Variants in TBC1D16 observed in about 807,000 individuals in gnomAD.
The protein encoded by TBC1D16 is TBC1 domain family member 16, also known as CTD-2529O21.1.
A neutral mutation model predicts 74.7 loss-of-function variants in TBC1D16; 58 were observed. The ratio of observed to expected loss-of-function variants is 0.78; its 90% confidence interval spans 0.63 to 0.97. The LOEUF (loss-of-function observed/expected upper bound fraction) is 0.97. TBC1D16 is among the 50% of genes least tolerant of loss of function. The pLI is 0.00. For missense variants in TBC1D16, 1,014 were observed against 1,079.5 expected, an observed-to-expected ratio of 0.94 and a Z score of 0.85; for synonymous variants, 493 against 474.7, an observed-to-expected ratio of 1.04 and a Z score of -0.50.
Position 80,007,129 on chromosome 17 carries a change from G to A in TBC1D16, c.779+3031C>T, listed in dbSNP as rs997196428. ...AAAGCTGCAACTCGCCACGTTCAGC[G>A]AGCCTCCCCTGGACCGGGCTGACAC... On this transcript the variant is annotated intron_variant, in intron 3 of 11. Coordinates refer to ENST00000310924, the MANE Select transcript of TBC1D16 (RefSeq NM_019020.4). This position sits in a 1 kb window ranked among gnomAD's most constrained non-coding sequence, Gnocchi z 4.5. Among the ~76,000 whole-genome samples, 4 of 152,274 alleles carry A rather than the reference G, an allele frequency of 2.6e-5. No homozygotes were observed. The East Asian group carries it at 7.7e-4, about 29-fold the overall frequency.
intron 3 of TBC1D16, among the ~76,000 whole-genome samples, chr17:79,967,452 A>C (rs904208654): frequency 6.6e-6 from 1 of 152,206 alleles, no homozygotes; most frequent in African/African-American, 2.4e-5. Flanking sequence ...ATATAAGATC[A>C]ATGTCTAAAA....
rs868011199 is a variant in TBC1D16 at position 80,007,186 on chromosome 17, G to A, written c.779+2974C>T. Among the ~76,000 whole-genome samples, 23 of 152,280 alleles carry A rather than the reference G, an allele frequency of 1.5e-4. No individual in the cohort carries two copies. The Middle Eastern group carries it at 0.01, about 68-fold the overall frequency. ...GAGGTGCGAGCCACACCGAGCCCGC[G>A]GCCATGTGGCCAAGAGGCATTTTCT... On this transcript the variant is annotated intron_variant, in intron 3 of 11. Transcript: ENST00000310924. The surrounding 1 kb of genome is among the most constrained non-coding windows in gnomAD (Gnocchi z 4.5).
In TBC1D16 at chr17:79,944,530, C is replaced by T. The variant is rs1051831010; in HGVS notation, c.1908+378G>A. 4.6e-5 allele frequency among the ~76,000 whole-genome samples: 7 copies of T among 152,120 alleles called. No individual in the cohort carries two copies. The South Asian group carries it at 8.3e-4, about 18-fold the overall frequency. ...GCAGGGTAACGGGTGAGTCGGCCCT[C>T]GTGGCAGGGCGGTCCCGAGGGGGTG... On this transcript the variant is annotated intron_variant, in intron 10 of 11. Coordinates refer to ENST00000310924, the MANE Select transcript of TBC1D16 (RefSeq NM_019020.4). This position sits in a 1 kb window ranked among gnomAD's most constrained non-coding sequence, Gnocchi z 7.7.
At position 80,035,058 on chromosome 17, in the gene TBC1D16, T is replaced by G. The variant is rs1406284190; in HGVS notation, c.-63+737A>C. ...TGTTATGTCTTTTCTATTCATTTCC[T>G]ATTTCTGAATCAAATCTGAACTACT... On this transcript the variant is annotated intron_variant, in intron 1 of 11. Coordinates refer to ENST00000310924, the MANE Select transcript of TBC1D16 (RefSeq NM_019020.4). This position sits in a 1 kb window ranked among gnomAD's most constrained non-coding sequence, Gnocchi z 5.3. Among the ~76,000 whole-genome samples, 1 of 152,208 alleles carries G rather than the reference T, an allele frequency of 6.6e-6. No homozygotes were observed. Among genetic ancestry groups the G allele is most frequent in the Non-Finnish European group, 1.5e-5 (1 of 68,036 alleles).
At chr17:80,027,441 C>G (rs35357292) in intron 1 of TBC1D16, among the ~76,000 whole-genome samples, 33,191 of 151,900 alleles carry the variant, frequency 0.22, 4,130 homozygotes, top group Middle Eastern at 0.34. Flanking sequence ...TACAAAAAAA[C>G]TTTAAAAATT....
rs1173353711 is a variant in TBC1D16, at chr17:79,980,757, G to A, written c.780-27939C>T. Among the ~76,000 whole-genome samples the A allele has an allele frequency of 3.9e-5, 6 of 152,318 alleles. No individual in the cohort carries two copies. In the South Asian group the frequency reaches 6.2e-4, roughly 16 times the overall value. On this transcript the variant is annotated intron_variant, in intron 3 of 11. Coordinates refer to ENST00000310924, the MANE Select transcript of TBC1D16 (RefSeq NM_019020.4). This position sits in a 1 kb window ranked among gnomAD's most constrained non-coding sequence, Gnocchi z 7.0. ...CGCACCCCAACAGCAGAGACGTAAC[G>A]TGCAGGACTGACTGGTGCTTCCCAA...
chr17:80,024,706 G>T (rs867732958), intron 1 of TBC1D16, among the ~76,000 whole-genome samples: 5 of 7,564 alleles, frequency 6.6e-4, no homozygotes, highest in Admixed American at 5.2e-3. Context: ...TGCCACACAC[G>T]ACACACCATA....
chr17:79,982,334 C>T (rs1317004592), intron 3 of TBC1D16, among the ~76,000 whole-genome samples: 2 of 151,232 alleles, frequency 1.3e-5, no homozygotes, highest in Non-Finnish European at 3.0e-5. Flanking sequence ...TTGGTAGAGA[C>T]GGGGTTTCAC....
intron 2 of TBC1D16, among the ~76,000 whole-genome samples, chr17:80,012,783 G>A (rs1030503999): frequency 4.6e-5 from 7 of 152,116 alleles, no homozygotes; most frequent in African/African-American, 1.7e-4. Context: ...CAAATGTTAG[G>A]GTGTGCCGGG....
At chr17:79,974,425 A>G (rs1171929899) in intron 3 of TBC1D16, among the ~76,000 whole-genome samples, 1 of 151,980 alleles carries the variant, frequency 6.6e-6, no homozygotes, top group Admixed American at 6.6e-5. Context: ...TTTTAGAGAG[A>G]CAGGGTTTCC....
chr17:79,952,297 G>C (rs927119428), intron 4 of TBC1D16: 1 of 210,200 alleles, frequency 4.8e-6, no homozygotes, highest in South Asian at 1.5e-4. Flanking sequence ...GCTGCGGCCC[G>C]TCCCGCACAG....
At chr17:79,965,526 C>A (rs1334750110) in intron 3 of TBC1D16, among the ~76,000 whole-genome samples, 1 of 152,184 alleles carries the variant, frequency 6.6e-6, no homozygotes, top group Non-Finnish European at 1.5e-5. Flanking sequence ...GTGCCAGGAG[C>A]TCTCCTAATT....
At chr17:80,028,223 CA>C (rs1364711047) in intron 1 of TBC1D16, among the ~76,000 whole-genome samples, 4 of 151,108 alleles carry the variant, frequency 2.6e-5, no homozygotes, top group Admixed American at 6.6e-5. Context: ...CTTGAGTGTA[CA>C]AAAAAAAGAA....
Position 79,988,473 on chromosome 17 carries a change from G to A in TBC1D16, c.779+21687C>T, listed in dbSNP as rs753623155. 2.6e-5 allele frequency among the ~76,000 whole-genome samples: 4 copies of A among 152,232 alleles called. No individual in the cohort carries two copies. Among genetic ancestry groups the A allele is most frequent in the African/African-American group, 7.2e-5 (3 of 41,460 alleles). ...CCAAGGGGCAGAGGGGGCAGCAACC[G>A]GACGGAAGCTGCCCAATCATAAGAC... On this transcript the variant is annotated intron_variant, in intron 3 of 11. Transcript: ENST00000310924. This position sits in a 1 kb window ranked among gnomAD's most constrained non-coding sequence, Gnocchi z 5.7.
chr17:79,942,286 G>T, intron 10 of TBC1D16, 80 bp from the exon 11 acceptor site: 1 of 1,441,972 alleles, frequency 6.9e-7, no homozygotes, highest in South Asian at 1.3e-5. Flanking sequence ...GAGTGCCAGG[G>T]TGCGAGTGAG....
Position 79,944,382 on chromosome 17 carries a change from C to A in TBC1D16, c.1908+526G>T, listed in dbSNP as rs2032322079. On this transcript the variant is annotated intron_variant, in intron 10 of 11. Transcript: ENST00000310924. This position sits in a 1 kb window ranked among gnomAD's most constrained non-coding sequence, Gnocchi z 7.7. The stretch of plus-strand genomic sequence containing the variant: ...CATGTGACAGAGCCAGTGCTGTGCT[C>A]CAAGGGGAATTTGCTGAGAAGATGC... Among the ~76,000 whole-genome samples, 1 of 152,162 alleles carries A rather than the reference C, an allele frequency of 6.6e-6. No homozygotes were observed. Among genetic ancestry groups the A allele is most frequent in the South Asian group, 2.1e-4 (1 of 4,828 alleles).
At position 80,009,906 on chromosome 17, in the gene TBC1D16, C is replaced by T. The variant is rs1421679097; in HGVS notation, c.779+254G>A. 6.6e-6 allele frequency among the ~76,000 whole-genome samples: 1 copy of T among 152,170 alleles called. No homozygotes were observed. The highest frequency in any genetic ancestry group is 1.5e-5 in the Non-Finnish European group (1 of 68,014). On this transcript the variant is annotated intron_variant, in intron 3 of 11. Coordinates refer to ENST00000310924, the MANE Select transcript of TBC1D16 (RefSeq NM_019020.4). This position sits in a 1 kb window ranked among gnomAD's most constrained non-coding sequence, Gnocchi z 5.4. ...GGGCCTGTTTAGTCCTAGTGAGTCT[C>T]AAGGAGAGAGAAGAATGTGGACACC...
At chr17:79,989,611 G>A (rs2034985963) in intron 3 of TBC1D16, among the ~76,000 whole-genome samples, 1 of 152,258 alleles carries the variant, frequency 6.6e-6, no homozygotes, top group South Asian at 2.1e-4. Flanking sequence ...TACTGCTCAT[G>A]TATTCTCCAG....
intron 3 of TBC1D16, among the ~76,000 whole-genome samples, chr17:79,960,090 T>C (rs903193163): frequency 5.3e-5 from 8 of 151,898 alleles, no homozygotes; most frequent in African/African-American, 1.9e-4. Context: ...TTCATTAAAA[T>C]GAAAACCTTC....
Sources: allele counts gnomAD v4.1 joint callset (sites outside exome capture counted in the v4.1 genomes callset), GRCh38; gene constraint gnomAD v4.1.1; non-coding constraint Gnocchi (gnomAD v3.1); transcripts MANE v1.5; gene names NCBI Gene and HGNC (gene_info 2026-07-23, HGNC 2026-07-21).